Variants in FMR1NB observed in about 807,000 individuals in gnomAD.
FMR1NB encodes the protein FMR1 neighbor protein.
FMR1NB carries 10 observed loss-of-function variants against 16.8 expected under a neutral mutation model. The ratio of observed to expected loss-of-function variants is 0.60; its 90% CI spans 0.37 to 1.01. The LOEUF (loss-of-function observed/expected upper bound fraction) is 1.01. FMR1NB is among the 50% of genes least tolerant of loss of function. The pLI is 0.01. For missense variants in FMR1NB, 205 were observed against 204.8 expected (o/e 1.00, Z 0.00); for synonymous variants, 83 against 79.1 (o/e 1.05, Z -0.26).
chrX:148,009,002 A>G (rs1020721169), intron 4 of FMR1NB, among the ~76,000 whole-genome samples: 1 of 109,548 alleles, frequency 9.1e-6, no homozygotes, highest in Non-Finnish European at 1.9e-5. Flanking sequence ...CAACATGGCG[A>G]AACCCCGTTT....
At chrX:148,015,164 T>G (rs2124625906) in intron 4 of FMR1NB, among the ~76,000 whole-genome samples, 1 of 111,840 alleles carries the variant, frequency 8.9e-6, no homozygotes, top group South Asian at 3.7e-4. Flanking sequence ...TGGTATCAGT[T>G]ATAATGTCTT....
Position 148,022,632 on chromosome X carries a change from AC to A in FMR1NB, c.633-2232del, listed in dbSNP as rs201578176. On this transcript the variant is annotated intron_variant, in intron 4 of 5. Coordinates refer to ENST00000370467, the MANE Select transcript of FMR1NB (RefSeq NM_152578.3). ...GACACTGAAAAATCATTTCACTCCT[AC>A]TCTCTCCCTTGGGCATTTTCATTGC... Among the ~76,000 whole-genome samples the A allele has an allele frequency of 3.3e-3, 368 of 110,983 alleles. 2 individuals carry two copies. Among genetic ancestry groups the A allele is most frequent in the African/African-American group, 0.012 (359 of 30,515 alleles).
chrX:148,006,603 A>G (rs1397917987), intron 2 of FMR1NB, 99 bp from the exon 3 acceptor site: 42 of 937,618 alleles, frequency 4.5e-5, no homozygotes, highest in Non-Finnish European at 5.3e-5. Context: ...ATGCCATTAA[A>G]TGTTTGCTTT....
intron 1 of FMR1NB, among the ~76,000 whole-genome samples, chrX:147,982,282 C>G (rs1557186658): frequency 3.8e-5 from 3 of 78,713 alleles, no homozygotes; most frequent in Non-Finnish European, 7.0e-5. Flanking sequence ...GAGCGAGACT[C>G]CGTCTAAAAA....
chrX:148,020,476 G>A (rs2044672929), intron 4 of FMR1NB, among the ~76,000 whole-genome samples: 1 of 112,230 alleles, frequency 8.9e-6, no homozygotes, highest in African/African-American at 3.2e-5. Flanking sequence ...GTCTCTCCCT[G>A]TAGCCACCAC....
chrX:147,992,437 C>T (rs1456458175), intron 1 of FMR1NB, among the ~76,000 whole-genome samples: 1 of 1,052 alleles, frequency 9.5e-4, no homozygotes, highest in Non-Finnish European at 1.6e-3. Flanking sequence ...CCTCACCTCC[C>T]AGACGGGGCG....
intron 1 of FMR1NB, among the ~76,000 whole-genome samples, chrX:147,994,747 C>T (rs2044533450): frequency 8.9e-6 from 1 of 112,241 alleles, no homozygotes; most frequent in Non-Finnish European, 1.9e-5. Context: ...AACATGTTTT[C>T]TCCTAAAATA....
chrX:147,993,395 G>GGGGAGAGGGAGAGGGAGA (rs200833296), intron 1 of FMR1NB, among the ~76,000 whole-genome samples: 5 of 107,855 alleles, frequency 4.6e-5, no homozygotes, highest in African/African-American at 1.4e-4. Flanking sequence ...GGGAGACCGT[G>GGGGAGAGGGAGAGGGAGA]GGGAGAGGGA....
intron 1 of FMR1NB, among the ~76,000 whole-genome samples, chrX:147,999,132 C>T (rs1386172177): frequency 1.8e-5 from 2 of 111,631 alleles, no homozygotes; most frequent in African/African-American, 6.5e-5. Context: ...GCAAGCCTGT[C>T]CAGCAGGGTC....
chrX:147,996,330 C>T (rs2044541335), intron 1 of FMR1NB, among the ~76,000 whole-genome samples: 1 of 111,697 alleles, frequency 9.0e-6, no homozygotes, highest in Non-Finnish European at 1.9e-5. Flanking sequence ...ATAAATATCA[C>T]CATTTTGCAG....
Position 147,981,592 on chromosome X carries a change from C to T in FMR1NB, c.190C>T (p.Arg64Trp), listed in dbSNP as rs142312123. 47 of 1,209,179 alleles carry T rather than the reference C, an allele frequency of 3.9e-5. No individual in the cohort carries two copies. The highest frequency in any genetic ancestry group is 1.5e-4 in the Admixed American group (7 of 45,760). ...QPGWRESLKMRVSKPFGMLML... is the reference protein window; with the variant it reads ...QPGWRESLKMWVSKPFGMLML... Reference sequence around the variant, plus strand: ...AGGATGGCGGGAATCTCTAAAGATGCGGGTCAGCAAACCCTTTGGGATGCT... The same window carrying T: ...AGGATGGCGGGAATCTCTAAAGATGTGGGTCAGCAAACCCTTTGGGATGCT... Residue 64 changes from arginine to tryptophan, a missense_variant, in exon 1 of 6, where the codon CGG becomes TGG. Physicochemically the swap from Arg to Trp is moderately radical, Grantham distance 101 (BLOSUM62 -3). Coordinates refer to ENST00000370467, the MANE Select transcript of FMR1NB (RefSeq NM_152578.3).
At chrX:148,020,086 GT>G (rs1407709019) in intron 4 of FMR1NB, among the ~76,000 whole-genome samples, 1 of 112,228 alleles carries the variant, frequency 8.9e-6, no homozygotes, top group Non-Finnish European at 1.9e-5. Context: ...CCAGTGTTCT[GT>G]TGTACTGCAG....
chrX:147,984,335 C>G (rs1557186904), intron 1 of FMR1NB, among the ~76,000 whole-genome samples: 1 of 111,920 alleles, frequency 8.9e-6, no homozygotes. Context: ...ATTAGGGATT[C>G]CAATCTGTGA....
intron 5 of FMR1NB, chrX:148,026,172 G>A (rs2044702906): frequency 9.0e-6 from 1 of 110,855 alleles, no homozygotes; most frequent in Non-Finnish European, 1.9e-5. Flanking sequence ...GTGTGCATAT[G>A]TACACATGTA....
At chrX:148,014,368 C>A (rs1480118792) in intron 4 of FMR1NB, among the ~76,000 whole-genome samples, 1 of 112,019 alleles carries the variant, frequency 8.9e-6, no homozygotes, top group African/African-American at 3.2e-5. Context: ...ATCCATCCTG[C>A]AATGTCTTGC....
intron 1 of FMR1NB, among the ~76,000 whole-genome samples, chrX:147,997,480 T>C (rs1307550511): frequency 3.6e-5 from 4 of 112,262 alleles, no homozygotes; most frequent in Non-Finnish European, 7.5e-5. Flanking sequence ...AACACTTATG[T>C]GTAAGACCTA....
At chrX:147,993,646 C>T (rs1303247440) in intron 1 of FMR1NB, among the ~76,000 whole-genome samples, 3 of 109,031 alleles carry the variant, frequency 2.8e-5, no homozygotes, top group Middle Eastern at 4.6e-3. Context: ...CTTATATCAT[C>T]CTCTCCCTCT....
At chrX:148,016,474 A>T (rs1275570434) in intron 4 of FMR1NB, among the ~76,000 whole-genome samples, 2 of 111,381 alleles carry the variant, frequency 1.8e-5, no homozygotes, top group African/African-American at 6.5e-5. Context: ...ATAAGTAATG[A>T]CTTACTTCTG....
chrX:147,993,625 C>T lies in FMR1NB; in HGVS notation c.278-9576C>T, dbSNP rs782392022. Among the ~76,000 whole-genome samples, 7 of 110,002 alleles carry T rather than the reference C, an allele frequency of 6.4e-5. No individual in the cohort carries two copies. The South Asian group carries it at 2.8e-3, about 44-fold the overall frequency. ...CTTAAAGTCTTCAGTCCCTTACTTC[C>T]CTTCTTTTACCTTATATCATCCTCT... is the stretch of plus-strand genomic sequence containing the variant. On this transcript the variant is annotated intron_variant, in intron 1 of 5. Transcript: ENST00000370467.
Sources: allele counts gnomAD v4.1 joint callset (sites outside exome capture counted in the v4.1 genomes callset), GRCh38; gene constraint gnomAD v4.1.1; transcripts MANE v1.5; gene names NCBI Gene and HGNC (gene_info 2026-07-23, HGNC 2026-07-21).